Variants in NINJ2 observed in about 807,000 individuals in gnomAD.
NINJ2 encodes the protein ninjurin 2.
In NINJ2, 12 loss-of-function variants were observed where a neutral mutation model predicts 11.7. That is an observed-to-expected ratio of 1.02 (90% CI 0.66 to 1.66). The LOEUF (loss-of-function observed/expected upper bound fraction) is 1.66. NINJ2 is among the 40% of genes most tolerant of loss of function. The pLI is 0.00. For missense variants in NINJ2, 187 were observed against 181.8 expected (o/e 1.03, Z -0.16); for synonymous variants, 93 against 76.8 (o/e 1.21, Z -1.10).
intron 1 of NINJ2, among the ~76,000 whole-genome samples, chr12:650,681 A>G (rs1358023912): frequency 6.6e-6 from 1 of 152,202 alleles, no homozygotes; most frequent in African/African-American, 2.4e-5. Context: ...CCTGGGCAAC[A>G]CAGTGAGACT....
intron 1 of NINJ2, among the ~76,000 whole-genome samples, chr12:627,536 A>C (rs1350847035): frequency 6.6e-6 from 1 of 152,204 alleles, no homozygotes; most frequent in Non-Finnish European, 1.5e-5. Flanking sequence ...TAGATGGATA[A>C]AGTGAAGCAA....
rs984309116 is a variant in NINJ2, at chr12:643,529, A to C, written c.33+19799T>G. On this transcript the variant is annotated intron_variant, in intron 1 of 3. Transcript: ENST00000305108. ...ACTGTACCTCATGTCCCCTCACTTA[A>C]TCCTCCCAAGACCTGTGGGGCGTGT... The C allele has an allele frequency of 5.1e-6, 5 of 987,952 alleles. No individual in the cohort carries two copies. In the African/African-American group the frequency reaches 8.7e-5, roughly 17 times the overall value. 61.2% of individuals were successfully genotyped at this position (987,952 alleles called of 1,614,324 possible). A position where few individuals can be genotyped will look rare whatever the true frequency, so the allele number is the denominator to read the frequency against.
chr12:633,975 T>C lies in NINJ2; in HGVS notation c.33+29353A>G, dbSNP rs188691582. Among the ~76,000 whole-genome samples, 126 of 152,294 alleles carry C rather than the reference T, an allele frequency of 8.3e-4. 1 individual carries two copies. Among genetic ancestry groups the C allele is most frequent in the African/African-American group, 3.0e-3 (124 of 41,566 alleles). On this transcript the variant is annotated intron_variant, in intron 1 of 3. Coordinates refer to ENST00000305108, the MANE Select transcript of NINJ2 (RefSeq NM_016533.6). This position sits in a 1 kb window ranked among gnomAD's most constrained non-coding sequence, Gnocchi z 4.3. The stretch of plus-strand genomic sequence containing the variant: ...GATCTGGTCAGAAAGGCCTTTGCAC[T>C]GTCCCAGATAGCTTACTCATTCCTG...
At chr12:646,595 C>T (rs1250577615) in intron 1 of NINJ2, among the ~76,000 whole-genome samples, 1 of 152,158 alleles carries the variant, frequency 6.6e-6, no homozygotes, top group Non-Finnish European at 1.5e-5. Flanking sequence ...TCCAATGCTA[C>T]CAACCCCACC....
chr12:594,885 G>GA lies in NINJ2; in HGVS notation c.34-28708dup, dbSNP rs199747632. Among the ~76,000 whole-genome samples, 56 of 152,034 alleles carry GA rather than the reference G, an allele frequency of 3.7e-4. No homozygotes were observed. The East Asian group carries it at 0.011, about 29-fold the overall frequency. On this transcript the variant is annotated intron_variant, in intron 1 of 3. Transcript: ENST00000305108. ...TAGAATAGCCAACTCAATATTAAAG[G>GA]AAAAAAATAAAGTCAGAGGACTGAC...
At chr12:610,659 C>G (rs1255410390) in intron 1 of NINJ2, 1 of 983,296 alleles carries the variant, frequency 1.0e-6, no homozygotes. Flanking sequence ...CTGAAGGAGA[C>G]AACTTCAACT....
At chr12:632,267 C>T (rs1948293592) in intron 1 of NINJ2, 1 of 152,238 alleles carries the variant, frequency 6.6e-6, no homozygotes, top group African/African-American at 2.4e-5. Flanking sequence ...ATCAGAGATT[C>T]CATTCAGCAA....
chr12:613,785 G>A (rs1334711401), intron 1 of NINJ2, among the ~76,000 whole-genome samples: 2 of 150,372 alleles, frequency 1.3e-5, no homozygotes, highest in Non-Finnish European at 3.0e-5. Context: ...GGCGCCTGTA[G>A]TCCCAGCTAC....
intron 1 of NINJ2, among the ~76,000 whole-genome samples, chr12:608,739 G>C (rs1474268517): frequency 6.6e-6 from 1 of 151,932 alleles, no homozygotes; most frequent in African/African-American, 2.4e-5. Flanking sequence ...GTGGTGAGGT[G>C]CAAGAGCTGA....
At chr12:634,346 G>A (rs1195992870) in intron 1 of NINJ2, among the ~76,000 whole-genome samples, 1 of 122,356 alleles carries the variant, frequency 8.2e-6, no homozygotes, top group Admixed American at 1.1e-4. Context: ...TGCAACCTCC[G>A]CCTCCCAGGT....
chr12:574,722 T>A (rs1466095618), intron 1 of NINJ2, among the ~76,000 whole-genome samples: 1 of 152,172 alleles, frequency 6.6e-6, no homozygotes, highest in East Asian at 1.9e-4. Context: ...TGTTTATAAA[T>A]CACCCAGTCT....
intron 1 of NINJ2, among the ~76,000 whole-genome samples, chr12:622,396 TGAG>T (rs1173407391): frequency 9.6e-6 from 1 of 104,472 alleles, no homozygotes; most frequent in Non-Finnish European, 1.7e-5. Flanking sequence ...GGTGACAGAG[TGAG>T]ACTCCGTCTC....
chr12:605,253 A>C (rs957290791), intron 1 of NINJ2, among the ~76,000 whole-genome samples: 3 of 152,148 alleles, frequency 2.0e-5, no homozygotes, highest in African/African-American at 4.8e-5. Context: ...TCATGGGGAG[A>C]GGGTTGAGGC....
chr12:603,852 G>A (rs1947904515), intron 1 of NINJ2, among the ~76,000 whole-genome samples: 1 of 152,046 alleles, frequency 6.6e-6, no homozygotes, highest in Non-Finnish European at 1.5e-5. Flanking sequence ...ATAGAGACGG[G>A]GTTTTGCCAT....
chr12:573,803 TAGACCCAA>T (rs963220897), intron 1 of NINJ2, among the ~76,000 whole-genome samples: 13 of 152,134 alleles, frequency 8.5e-5, no homozygotes, highest in Non-Finnish European at 1.8e-4. Context: ...GAAGGGGCAC[TAGACCCAA>T]AGACCCAAAG....
intron 1 of NINJ2, among the ~76,000 whole-genome samples, chr12:582,011 G>A (rs77036095): frequency 0.022 from 3,315 of 152,238 alleles, 72 homozygotes; most frequent in Non-Finnish European, 0.027. Context: ...CAGGCTCCCT[G>A]TGCATCCCCC....
chr12:626,815 G>A (rs184795481), intron 1 of NINJ2, among the ~76,000 whole-genome samples: 2 of 152,130 alleles, frequency 1.3e-5, no homozygotes, highest in African/African-American at 4.8e-5. Flanking sequence ...GCTTGGTGCT[G>A]TAGCTTGCGC....
At chr12:571,192 GCCAA>G (rs1333529719) in intron 1 of NINJ2, among the ~76,000 whole-genome samples, 1 of 152,222 alleles carries the variant, frequency 6.6e-6, no homozygotes, top group East Asian at 1.9e-4. Flanking sequence ...TCAAAATCTG[GCCAA>G]CCAATGACAC....
intron 1 of NINJ2, among the ~76,000 whole-genome samples, chr12:647,013 C>T (rs1279793610): frequency 6.6e-6 from 1 of 152,168 alleles, no homozygotes; most frequent in Non-Finnish European, 1.5e-5. Flanking sequence ...ATGCTGCAGA[C>T]TTTGGGCTGG....
Sources: allele counts gnomAD v4.1 joint callset (sites outside exome capture counted in the v4.1 genomes callset), GRCh38; gene constraint gnomAD v4.1.1; non-coding constraint Gnocchi (gnomAD v3.1); transcripts MANE v1.5; gene names NCBI Gene and HGNC (gene_info 2026-07-23, HGNC 2026-07-21).